Variants in MED13L observed in about 807,000 individuals in gnomAD.
MED13L encodes mediator of RNA polymerase II transcription subunit 13-like.
In MED13L, 7 loss-of-function variants were observed where a neutral mutation model predicts 220.9. The ratio of observed to expected loss-of-function variants is 0.03; its 90% CI spans 0.02 to 0.06. The LOEUF is 0.06. MED13L is among the 10% of genes least tolerant of loss of function. The pLI is 1.00. For missense variants in MED13L, 1,965 were observed against 2,760.5 expected (o/e 0.71, Z 6.46); for synonymous variants, 1,011 against 1,015.2 (o/e 1.00, Z 0.08).
intron 4 of MED13L, among the ~76,000 whole-genome samples, chr12:116,074,802 C>T (rs1271121377): frequency 6.6e-6 from 1 of 152,234 alleles, no homozygotes; most frequent in East Asian, 1.9e-4. Context: ...CACAAGGGTG[C>T]CCTTGACAGA....
At chr12:116,180,929 CTCT>C (rs1445928827) in intron 2 of MED13L, among the ~76,000 whole-genome samples, 7 of 123,054 alleles carry the variant, frequency 5.7e-5, no homozygotes, top group Non-Finnish European at 6.6e-5. Context: ...ATTTCTCTCT[CTCT>C]TTTTTTTTTT....
At chr12:116,230,533 C>T (rs781464150) in intron 2 of MED13L, 57 of 963,708 alleles carry the variant, frequency 5.9e-5, no homozygotes, top group South Asian at 1.4e-4. Context: ...AATTCCATAC[C>T]TGAAAAATAA....
At chr12:116,031,752 A>AGGAAGGAAGGAAGGAAGGAAGGAAGG in intron 4 of MED13L, among the ~76,000 whole-genome samples, 1 of 31,486 alleles carries the variant, frequency 3.2e-5, no homozygotes, top group Non-Finnish European at 5.6e-5. Flanking sequence ...AAAGAAAAGA[A>AGGAAGGAAGGAAGGAAGGAAGGAAGG]AAGAAAAGAA....
At position 116,008,566 on chromosome 12, in the gene MED13L, G is replaced by C. The variant is rs768753067; in HGVS notation, c.1847C>G (p.Ala616Gly). The C allele has an allele frequency of 1.9e-6, 3 of 1,613,876 alleles. No homozygotes were observed. In the African/African-American group the frequency reaches 4.0e-5, roughly 22 times the overall value. The change falls in exon 10 of 31, where the codon GCC becomes GGC. Residue 616 changes from alanine (A) to glycine (G), a missense_variant. By Grantham distance (60) the Ala-to-Gly change is moderately conservative. Coordinates refer to ENST00000281928, the MANE Select transcript of MED13L (RefSeq NM_015335.5). Reference protein sequence around the residue: ...LPLMAEVSETALYCGIRPSNP... With the variant: ...LPLMAEVSETGLYCGIRPSNP... ...CGAGGGCCTAATCCCACAATATAAG[G>C]CTGTCTCGCTGACCTCTGCCATGAG...
chr12:116,023,046 A>T (rs1035453462), intron 4 of MED13L, among the ~76,000 whole-genome samples: 5 of 152,200 alleles, frequency 3.3e-5, no homozygotes, highest in African/African-American at 1.2e-4. Flanking sequence ...CTGTAACTCC[A>T]ACGTTTTGAG....
chr12:116,014,977 C>A, intron 8 of MED13L, 132 bp downstream of exon 8: 3 of 855,482 alleles, frequency 3.5e-6, no homozygotes, highest in Non-Finnish European at 5.8e-6. Context: ...CTATTAAATT[C>A]AAAAAGATGA....
intron 2 of MED13L, among the ~76,000 whole-genome samples, chr12:116,158,253 G>C (rs965631378): frequency 2.0e-5 from 3 of 152,034 alleles, no homozygotes; most frequent in Non-Finnish European, 4.4e-5. Context: ...GACTTCAACT[G>C]GGAATGAAGG....
chr12:115,962,287 C>G (rs1316376913), intron 30 of MED13L, among the ~76,000 whole-genome samples: 1 of 152,098 alleles, frequency 6.6e-6, no homozygotes, highest in East Asian at 1.9e-4. Flanking sequence ...AACTGTTCCA[C>G]CTTAAATCAT....
At chr12:116,018,806 A>G (rs1187328097) in intron 7 of MED13L, among the ~76,000 whole-genome samples, 2 of 151,454 alleles carry the variant, frequency 1.3e-5, no homozygotes, top group East Asian at 2.0e-4. Context: ...CAGGGAAAAG[A>G]GTTGTTCAAG....
intron 4 of MED13L, among the ~76,000 whole-genome samples, chr12:116,079,164 T>G (rs1871039649): frequency 6.6e-6 from 1 of 152,180 alleles, no homozygotes; most frequent in Admixed American, 6.5e-5. Context: ...GCAGTGGGTT[T>G]ATTATTATTA....
At chr12:116,155,492 TA>T (rs1301261376) in intron 2 of MED13L, among the ~76,000 whole-genome samples, 2 of 152,180 alleles carry the variant, frequency 1.3e-5, no homozygotes, top group Non-Finnish European at 2.9e-5. Flanking sequence ...CAATTAAATG[TA>T]ACGATGAAAG....
chr12:116,085,968 T>C (rs955695937), intron 4 of MED13L, among the ~76,000 whole-genome samples: 15 of 152,188 alleles, frequency 9.9e-5, no homozygotes, highest in Admixed American at 9.2e-4. Context: ...AAAATGAGTT[T>C]AGACTATGCT....
At chr12:116,004,466 G>A (rs897375346) in intron 13 of MED13L, among the ~76,000 whole-genome samples, 10 of 151,960 alleles carry the variant, frequency 6.6e-5, no homozygotes, top group East Asian at 3.9e-4. Context: ...TCCTGCTTTC[G>A]GCATATCAGA....
intron 2 of MED13L, among the ~76,000 whole-genome samples, chr12:116,145,236 G>A (rs897561081): frequency 3.1e-4 from 47 of 152,118 alleles, no homozygotes; most frequent in Admixed American, 1.3e-4. Flanking sequence ...TCCTTAACAA[G>A]GAATCCTGAT....
At chr12:116,165,014 T>A (rs981607873) in intron 2 of MED13L, among the ~76,000 whole-genome samples, 2 of 152,212 alleles carry the variant, frequency 1.3e-5, no homozygotes, top group Non-Finnish European at 2.9e-5. Flanking sequence ...CAAAAGCATA[T>A]CTGCAATACA....
intron 22 of MED13L, among the ~76,000 whole-genome samples, 162 bp from the exon 23 acceptor site, chr12:115,981,100 T>C (rs1038432364): frequency 1.4e-4 from 22 of 152,178 alleles, no homozygotes; most frequent in Admixed American, 1.2e-3. Flanking sequence ...CATAATATAA[T>C]TAAATCCTAA....
In MED13L at chr12:116,094,011, C is replaced by T. The variant is rs1359732553; in HGVS notation, c.479+2658G>A. ...ATAATAAAAATTCAGCTGAGATAAA[C>T]TTTGTCCAAAATCTAACTTGCAAGT... On this transcript the variant is annotated intron_variant, in intron 4 of 30. Transcript: ENST00000281928. Among the ~76,000 whole-genome samples the T allele has an allele frequency of 7.2e-5, 11 of 152,094 alleles. No homozygotes were observed. In the South Asian group the frequency reaches 1.9e-3, roughly 26 times the overall value.
At chr12:116,093,353 A>C (rs1593035785) in intron 4 of MED13L, among the ~76,000 whole-genome samples, 1 of 152,126 alleles carries the variant, frequency 6.6e-6, no homozygotes, top group South Asian at 2.1e-4. Flanking sequence ...ATATTGAATG[A>C]ATTTCTATGT....
chr12:116,238,602 C>T (rs896947310), intron 1 of MED13L, among the ~76,000 whole-genome samples: 5 of 152,218 alleles, frequency 3.3e-5, no homozygotes, highest in African/African-American at 1.2e-4. Flanking sequence ...TGAATCCTTA[C>T]TCACGCATCT....
Sources: allele counts gnomAD v4.1 joint callset (sites outside exome capture counted in the v4.1 genomes callset), GRCh38; gene constraint gnomAD v4.1.1; transcripts MANE v1.5; gene names NCBI Gene and HGNC (gene_info 2026-07-23, HGNC 2026-07-21).